The following ARHGAP4 variants were observed in gnomAD, a reference collection of about 807,000 sequenced individuals.
The protein encoded by ARHGAP4 is rho GTPase-activating protein 4.
A neutral mutation model predicts 67.6 loss-of-function variants in ARHGAP4; 25 were observed. The ratio of observed to expected loss-of-function variants is 0.37; its 90% confidence interval spans 0.27 to 0.52. The LOEUF (loss-of-function observed/expected upper bound fraction) is 0.52. ARHGAP4 is among the 20% of genes least tolerant of loss of function. The probability of loss-of-function intolerance (pLI) is 0.92; values close to 1 mark genes in which losing one functional copy is unlikely to be tolerated. For missense variants in ARHGAP4, 804 were observed against 854.6 expected (o/e 0.94, Z 0.74); for synonymous variants, 448 against 373.7 (o/e 1.20, Z -2.29).
At chrX:153,922,452 C>T in intron 1 of ARHGAP4, 1 of 747,294 alleles carries the variant, frequency 1.3e-6, no homozygotes, top group Non-Finnish European at 1.6e-6. Context: ...ACTTCCCACT[C>T]CCAATCACCC....
intron 3 of ARHGAP4, 34 bp downstream of exon 3, chrX:153,921,331 G>A (rs782588731): frequency 1.4e-5 from 17 of 1,209,596 alleles, no homozygotes; most frequent in Middle Eastern, 2.3e-4. Flanking sequence ...CCAAAGCCTC[G>A]AACACTTCCC....
At chrX:153,919,722 G>A in intron 5 of ARHGAP4, 1 of 1,096,836 alleles carries the variant, frequency 9.1e-7, no homozygotes, top group Non-Finnish European at 1.2e-6. Context: ...GGTAGGGATA[G>A]ATCATCAAGA....
chrX:153,925,777 G>C (rs1178245905), intron 1 of ARHGAP4, among the ~76,000 whole-genome samples: 1 of 112,591 alleles, frequency 8.9e-6, no homozygotes, highest in Non-Finnish European at 1.9e-5. Flanking sequence ...GCCCAATCAA[G>C]CTGGTTGACT....
At chrX:153,922,429 G>A (rs888257462) in intron 1 of ARHGAP4, 154 of 750,308 alleles carry the variant, frequency 2.1e-4, no homozygotes, top group Non-Finnish European at 2.4e-4. Flanking sequence ...GCTAGCCCCC[G>A]TCTTCTGACC....
chrX:153,912,084 TTTTC>T (rs1372571926), intron 12 of ARHGAP4, among the ~76,000 whole-genome samples: 2 of 111,058 alleles, frequency 1.8e-5, no homozygotes, highest in Admixed American at 9.6e-5. Context: ...GCTTCTTTTC[TTTTC>T]TTTCTCTCTC....
At chrX:153,923,488 G>A (rs1217841712) in intron 1 of ARHGAP4, among the ~76,000 whole-genome samples, 1 of 111,754 alleles carries the variant, frequency 8.9e-6, no homozygotes, top group Admixed American at 9.5e-5. Context: ...TCCACTCCCT[G>A]CCCCCACCAG....
chrX:153,919,873 G>A (rs1160752686), intron 5 of ARHGAP4, among the ~76,000 whole-genome samples: 1 of 108,908 alleles, frequency 9.2e-6, no homozygotes, highest in African/African-American at 3.4e-5. Context: ...TGCAACCTCC[G>A]CCTGCTGTGT....
chrX:153,925,822 C>T (rs1174287839), intron 1 of ARHGAP4, among the ~76,000 whole-genome samples: 1 of 113,104 alleles, frequency 8.8e-6, no homozygotes, highest in Non-Finnish European at 1.9e-5. Flanking sequence ...CTGAGGGGCA[C>T]GTTGGTGCAT....
intron 20 of ARHGAP4, 27 bp downstream of exon 20, chrX:153,909,416 C>T (rs201366489): frequency 1.2e-5 from 11 of 935,094 alleles, no homozygotes; most frequent in Admixed American, 3.0e-5. Context: ...ACACGTGTGG[C>T]CCCCTGAGCC....
rs999719075 is a variant in ARHGAP4 at position 153,910,571 on chromosome X, G to A, written c.1857C>T (p.Arg619=). The change falls in exon 16 of 22, where the codon CGC becomes CGT. Residue 619 remains arginine (R), a synonymous_variant. Transcript: ENST00000350060. ...ATAERVEHVS[R]LLWRLPAPVL... ...CCGGCGCGGGCAGCCGCCACAGCAG[G>A]CGGCTCACGTGCTCCACCCTCTCCG... is the stretch of plus-strand genomic sequence containing the variant. The A allele has an allele frequency of 3.3e-6, 4 of 1,206,982 alleles. No individual in the cohort carries two copies. Among genetic ancestry groups the A allele is most frequent in the East Asian group, 3.0e-5 (1 of 33,693 alleles).
At chrX:153,921,925 C>A in intron 1 of ARHGAP4, 116 bp from the exon 2 acceptor site, 2 of 918,293 alleles carry the variant, frequency 2.2e-6, no homozygotes, top group Non-Finnish European at 2.9e-6. Context: ...GCTCTGAGGG[C>A]TCCTTCGGAC....
Position 153,909,936 on chromosome X carries a change from AG to A in ARHGAP4, c.2231-13del. On this transcript the variant is annotated splice_polypyrimidine_tract_variant and intron_variant, in intron 18 of 21. Coordinates refer to ENST00000350060, the MANE Select transcript of ARHGAP4 (RefSeq NM_001666.5). The stretch of plus-strand genomic sequence containing the variant: ...GACCCCCTCCAGGTCTGGGGAGGAG[AG>A]GGGGTCCAAGCTGTGGGAGGGGGTG... 1 of 1,128,804 alleles carries A rather than the reference AG, an allele frequency of 8.9e-7. No individual in the cohort carries two copies. 93.0% of individuals were successfully genotyped at this position (1,128,804 alleles called of 1,213,427 possible).
chrX:153,910,795 A>G lies in ARHGAP4; in HGVS notation c.1721T>C (p.Leu574Pro), dbSNP rs1557103019. Residue 574 changes from leucine (L) to proline (P), a missense_variant, in exon 15 of 22, where the codon CTG becomes CCG. Transcript: ENST00000350060. ...CTTCAGCACCCCGGCCACCGAGTCCAGGTCATGGGCAGTGCAGCCCTCCAC... is the reference window on the plus strand; with the variant it reads ...CTTCAGCACCCCGGCCACCGAGTCCGGGTCATGGGCAGTGCAGCCCTCCAC... ...PLVEGCTAHD[L>P]DSVAGVLKLY... The G allele has an allele frequency of 8.4e-7, 1 of 1,190,720 alleles. No individual in the cohort carries two copies. Among genetic ancestry groups the G allele is most frequent in the African/African-American group, 1.7e-5 (1 of 57,250 alleles).
intron 1 of ARHGAP4, among the ~76,000 whole-genome samples, chrX:153,923,359 C>T (rs1339053796): frequency 2.7e-5 from 3 of 111,839 alleles, no homozygotes; most frequent in African/African-American, 9.8e-5. Flanking sequence ...GTTCCGCCTG[C>T]CCAGCATCCC....
chrX:153,907,892 C>A lies in ARHGAP4; in HGVS notation c.2678G>T (p.Gly893Val). 1 of 1,059,277 alleles carries A rather than the reference C, an allele frequency of 9.4e-7. No individual in the cohort carries two copies. The highest frequency in any genetic ancestry group is 1.2e-6 in the Non-Finnish European group (1 of 816,287). The allele number at this position is 1,059,277 out of a possible 1,213,427, so 87.3% of individuals were successfully genotyped here. ...ACTGGGAGAGGTGGTAGATGCTGGCCCAAGGCCCTGGCGGACAGAGGTCTT... is the reference window on the plus strand; with the variant it reads ...ACTGGGAGAGGTGGTAGATGCTGGCACAAGGCCCTGGCGGACAGAGGTCTT... ...LGKTSVRQGL[G>V]PASTTSPSPG... The change falls in exon 22 of 22, where the codon GGG becomes GTG. Residue 893 changes from glycine (G) to valine (V), a missense_variant. Physicochemically the swap from Gly to Val is moderately radical, Grantham distance 109 (BLOSUM62 -3). Coordinates refer to ENST00000350060, the MANE Select transcript of ARHGAP4 (RefSeq NM_001666.5).
intron 7 of ARHGAP4, among the ~76,000 whole-genome samples, chrX:153,917,703 A>C (rs1211244429): frequency 8.9e-6 from 1 of 112,308 alleles, no homozygotes; most frequent in Non-Finnish European, 1.9e-5. Context: ...CTGAGATCAC[A>C]TCACACCCCT....
chrX:153,907,397 T>G lies in ARHGAP4; in HGVS notation c.*332A>C. 3.5e-6 allele frequency: 1 copy of G among 288,571 alleles called. No individual in the cohort carries two copies. The highest frequency in any genetic ancestry group is 6.3e-6 in the Non-Finnish European group (1 of 159,676). The allele number at this position is 288,571 out of a possible 1,213,427, so 23.8% of individuals were successfully genotyped here. ...CCCATCGGGGAATCAACACGAGGTCTTTATGAATCGCCACCCAGCCCTGCC... is the reference window on the plus strand; with the variant it reads ...CCCATCGGGGAATCAACACGAGGTCGTTATGAATCGCCACCCAGCCCTGCC... On this transcript the variant is annotated 3_prime_UTR_variant, in exon 22 of 22. Transcript: ENST00000350060.
At position 153,920,947 on chromosome X, in the gene ARHGAP4, C is replaced by G. The variant is rs918554442; in HGVS notation, c.499-139G>C. The G allele has an allele frequency of 5.2e-5, 48 of 927,377 alleles. 1 individual carries two copies. The Admixed American group carries it at 1.6e-3, about 31-fold the overall frequency. 76.4% of individuals were successfully genotyped at this position (927,377 alleles called of 1,213,427 possible). ...TGAGCACTTAGCCTAACGCCCTGTG[C>G]CTAGGGAGAGAGGCCTTTGCCCCTA... On this transcript the variant is annotated intron_variant, in intron 4 of 21. Transcript: ENST00000350060.
chrX:153,909,194 TG>T, intron 20 of ARHGAP4, 25 bp from the exon 21 acceptor site: 1 of 1,160,990 alleles, frequency 8.6e-7, no homozygotes. Flanking sequence ...GGGAGCCTGG[TG>T]GGGGCCCTGG....
Sources: gnomAD v4.1 joint callset for allele counts (sites outside exome capture counted in the v4.1 genomes callset) on GRCh38, gnomAD v4.1.1 for gene constraint, MANE v1.5 for transcripts, NCBI Gene and HGNC (gene_info 2026-07-23, HGNC 2026-07-21) for gene names.